LRRTM4: variants seen among roughly 807,000 people sequenced by gnomAD.
The protein encoded by LRRTM4 is leucine-rich repeat transmembrane neuronal protein 4.
LRRTM4 carries 25 observed loss-of-function variants against 47.6 expected under a neutral mutation model. That is an observed-to-expected ratio of 0.53 (90% CI 0.38 to 0.73). The LOEUF (loss-of-function observed/expected upper bound fraction) is 0.73. Ranked by LOEUF, LRRTM4 falls within the 30% of genes least tolerant of loss-of-function variation. The pLI is 0.00. For missense variants in LRRTM4, 638 were observed against 713.4 expected (o/e 0.89, Z 1.20); for synonymous variants, 311 against 269.5 (o/e 1.15, Z -1.51).
chr2:77,015,091 G>T (rs1195560470), intron 3 of LRRTM4, among the ~76,000 whole-genome samples: 3 of 152,052 alleles, frequency 2.0e-5, no homozygotes, highest in Admixed American at 6.6e-5. Context: ...CAGTAAAAAG[G>T]CCTCAAAAAC....
At chr2:77,516,357 G>A (rs1679208099) in intron 3 of LRRTM4, among the ~76,000 whole-genome samples, 1 of 151,636 alleles carries the variant, frequency 6.6e-6, no homozygotes, top group African/African-American at 2.4e-5. Context: ...GGTTTTTGAT[G>A]GAATAATCTG....
chr2:77,103,714 A>T (rs1671022246), intron 3 of LRRTM4, among the ~76,000 whole-genome samples: 1 of 149,250 alleles, frequency 6.7e-6, no homozygotes, highest in Admixed American at 6.7e-5. Context: ...ATAAAATAAA[A>T]GATTAGGTAG....
intron 3 of LRRTM4, among the ~76,000 whole-genome samples, chr2:77,465,111 G>C (rs1220474285): frequency 6.6e-6 from 1 of 152,050 alleles, no homozygotes; most frequent in Non-Finnish European, 1.5e-5. Flanking sequence ...GTCCCACACT[G>C]TAATATAGTT....
intron 3 of LRRTM4, among the ~76,000 whole-genome samples, chr2:77,243,424 AT>A (rs548819895): frequency 0.018 from 2,233 of 126,986 alleles, 63 homozygotes; most frequent in African/African-American, 0.021. Flanking sequence ...ATAAAAAAAA[AT>A]AAAAAAAATA....
chr2:76,811,290 T>G (rs973398700), intron 3 of LRRTM4, among the ~76,000 whole-genome samples: 3 of 152,190 alleles, frequency 2.0e-5, no homozygotes, highest in African/African-American at 7.2e-5. Flanking sequence ...AAATAAACAT[T>G]AGCACCCTGT....
At chr2:77,151,164 T>C (rs1672408806) in intron 3 of LRRTM4, among the ~76,000 whole-genome samples, 1 of 151,966 alleles carries the variant, frequency 6.6e-6, no homozygotes, top group African/African-American at 2.4e-5. Context: ...TATGTGTGTA[T>C]GTGTAGTAAG....
chr2:76,792,427 C>G (rs910147696), intron 3 of LRRTM4, among the ~76,000 whole-genome samples: 3 of 152,058 alleles, frequency 2.0e-5, no homozygotes, highest in Admixed American at 1.3e-4. Flanking sequence ...ATCTTTCATG[C>G]AAAACACTCT....
intron 3 of LRRTM4, among the ~76,000 whole-genome samples, chr2:76,989,277 C>G (rs890509527): frequency 6.6e-5 from 10 of 151,818 alleles, no homozygotes; most frequent in African/African-American, 2.2e-4. Context: ...GTCTGTTCAG[C>G]TTTCATACTT....
chr2:77,148,667 G>T (rs764248599), intron 3 of LRRTM4, among the ~76,000 whole-genome samples: 1 of 152,146 alleles, frequency 6.6e-6, no homozygotes, highest in Non-Finnish European at 1.5e-5. Context: ...TTAAAAAAGG[G>T]AATAGAAAGC....
chr2:77,282,351 G>T (rs1281836061), intron 3 of LRRTM4, among the ~76,000 whole-genome samples: 1 of 151,624 alleles, frequency 6.6e-6, no homozygotes, highest in African/African-American at 2.4e-5. Context: ...GAGTCTTTAG[G>T]GTTTTCTGGG....
At chr2:77,406,490 C>T (rs1329347356) in intron 3 of LRRTM4, among the ~76,000 whole-genome samples, 1 of 151,896 alleles carries the variant, frequency 6.6e-6, no homozygotes, top group East Asian at 1.9e-4. Context: ...TTTTTAGAGA[C>T]AAGGTCTCAC....
intron 3 of LRRTM4, among the ~76,000 whole-genome samples, chr2:77,227,193 G>A (rs558236073): frequency 6.6e-6 from 1 of 151,974 alleles, no homozygotes; most frequent in South Asian, 2.1e-4. Context: ...TCTCCCTTAA[G>A]AATTTAACAC....
At chr2:77,114,973 T>G (rs1037443566) in intron 3 of LRRTM4, among the ~76,000 whole-genome samples, 1 of 152,274 alleles carries the variant, frequency 6.6e-6, no homozygotes, top group African/African-American at 2.4e-5. Flanking sequence ...CCAGTCTGAC[T>G]ACAATTTACC....
chr2:77,217,976 CTTTATTTTTTTTTAT>C (rs1674506356), intron 3 of LRRTM4, among the ~76,000 whole-genome samples: 2 of 151,960 alleles, frequency 1.3e-5, no homozygotes, highest in African/African-American at 2.4e-5. Context: ...CAAAACTGAG[CTTTATTTTTTTTTAT>C]TTTATTTTTT....
chr2:76,920,516 G>A (rs758674113), intron 3 of LRRTM4, among the ~76,000 whole-genome samples: 1 of 152,096 alleles, frequency 6.6e-6, no homozygotes, highest in Non-Finnish European at 1.5e-5. Context: ...TTGGAACCTG[G>A]AGAAGACTTC....
rs111698908 is a variant in LRRTM4, at chr2:77,402,835, A to C, written c.1551+115483T>G. 6.1e-3 allele frequency among the ~76,000 whole-genome samples: 920 copies of C among 152,042 alleles called. 10 individuals carry two copies. Among genetic ancestry groups the C allele is most frequent in the African/African-American group, 0.021 (887 of 41,508 alleles). On this transcript the variant is annotated intron_variant, in intron 3 of 3. Transcript: ENST00000409884. Reference sequence around the variant, plus strand: ...CATTTCATTTTCAATTTACATCCCGAAACTAGAATTTTCTAAAATTCTTGC... The same window carrying C: ...CATTTCATTTTCAATTTACATCCCGCAACTAGAATTTTCTAAAATTCTTGC...
chr2:76,966,235 G>A (rs1489412770), intron 3 of LRRTM4, among the ~76,000 whole-genome samples: 9 of 151,328 alleles, frequency 5.9e-5, no homozygotes, highest in Non-Finnish European at 1.3e-4. Flanking sequence ...AAGAAATGGA[G>A]GGGAGGAGAA....
At chr2:76,793,560 C>T (rs1043498482) in intron 3 of LRRTM4, among the ~76,000 whole-genome samples, 2 of 151,258 alleles carry the variant, frequency 1.3e-5, no homozygotes, top group Non-Finnish European at 2.9e-5. Flanking sequence ...ATGAGAAGCC[C>T]CCTGGTAATA....
chr2:76,943,136 GA>G (rs1374226071), intron 3 of LRRTM4, among the ~76,000 whole-genome samples: 3 of 152,134 alleles, frequency 2.0e-5, no homozygotes, highest in Admixed American at 1.3e-4. Flanking sequence ...AAAGCTGTTA[GA>G]AAATACCAAT....
Sources: gnomAD v4.1 joint callset for allele counts (sites outside exome capture counted in the v4.1 genomes callset) on GRCh38, gnomAD v4.1.1 for gene constraint, MANE v1.5 for transcripts, NCBI Gene and HGNC (gene_info 2026-07-23, HGNC 2026-07-21) for gene names.